SGCZ: variants seen among roughly 807,000 people sequenced by gnomAD.
SGCZ encodes sarcoglycan zeta, also known as zeta-sarcoglycan.
A neutral mutation model predicts 41.3 loss-of-function variants in SGCZ; 40 were observed. That is an observed-to-expected ratio of 0.97 (90% CI 0.75 to 1.26). The LOEUF (loss-of-function observed/expected upper bound fraction) is 1.26, where lower values mean the gene tolerates loss of function less well. SGCZ is among the 50% of genes most tolerant of loss of function. The probability of loss-of-function intolerance (pLI) is 0.00; values close to 1 mark genes in which losing one functional copy is unlikely to be tolerated. For missense variants in SGCZ, 552 were observed against 369.8 expected (o/e 1.49, Z -4.04); for synonymous variants, 206 against 137.5 (o/e 1.50, Z -3.49).
At chr8:14,541,853 G>A (rs756761393) in intron 2 of SGCZ, among the ~76,000 whole-genome samples, 12 of 152,052 alleles carry the variant, frequency 7.9e-5, no homozygotes, top group African/African-American at 4.8e-5. Context: ...ATCTCATTGT[G>A]GTTTTGATTT....
At chr8:14,416,624 T>A (rs995803614) in intron 2 of SGCZ, among the ~76,000 whole-genome samples, 13 of 151,852 alleles carry the variant, frequency 8.6e-5, no homozygotes, top group Non-Finnish European at 1.5e-4. Flanking sequence ...ACTGGTAAAT[T>A]TTAAATGGAT....
intron 2 of SGCZ, among the ~76,000 whole-genome samples, chr8:14,331,579 G>A (rs1802326171): frequency 6.6e-6 from 1 of 151,994 alleles, no homozygotes. Context: ...ACAATTGACA[G>A]ACCTAGGAAT....
rs538804774 is a variant in SGCZ at position 14,368,846 on chromosome 8, C to A, written c.235-44642G>T. 1.1e-4 allele frequency among the ~76,000 whole-genome samples: 17 copies of A among 151,622 alleles called. No homozygotes were observed. In the South Asian group the frequency reaches 3.5e-3, roughly 31 times the overall value. ...ATACAATTGCAGCAAAAAAAAGTTACATATACTTGTTGCAAGAGGGGAAAT... is the reference window on the plus strand; with the variant it reads ...ATACAATTGCAGCAAAAAAAAGTTAAATATACTTGTTGCAAGAGGGGAAAT... On this transcript the variant is annotated intron_variant, in intron 2 of 7. Transcript: ENST00000382080.
intron 1 of SGCZ, among the ~76,000 whole-genome samples, chr8:15,173,137 G>T (rs1008405629): frequency 3.9e-5 from 6 of 152,282 alleles, no homozygotes; most frequent in African/African-American, 1.4e-4. Context: ...GCCCAGGCTT[G>T]CCACTGTAAG....
intron 1 of SGCZ, among the ~76,000 whole-genome samples, chr8:14,754,367 T>C (rs1032470675): frequency 2.0e-5 from 3 of 152,200 alleles, no homozygotes; most frequent in Admixed American, 1.3e-4. Flanking sequence ...TCTGTTTTTC[T>C]TCTTTTCCAT....
chr8:14,481,465 T>TA (rs1393568048), intron 2 of SGCZ, among the ~76,000 whole-genome samples: 1 of 152,192 alleles, frequency 6.6e-6, no homozygotes, highest in Non-Finnish European at 1.5e-5. Flanking sequence ...TTTGTGACAG[T>TA]AATAGTAAAA....
intron 1 of SGCZ, among the ~76,000 whole-genome samples, chr8:14,888,964 A>T (rs1444463977): frequency 6.6e-6 from 1 of 152,142 alleles, no homozygotes; most frequent in African/African-American, 2.4e-5. Context: ...ACTTAATAAG[A>T]TCCAAAATAT....
intron 1 of SGCZ, among the ~76,000 whole-genome samples, chr8:15,137,087 T>C (rs1808136227): frequency 6.6e-6 from 1 of 152,174 alleles, no homozygotes; most frequent in African/African-American, 2.4e-5. Context: ...GATAATGATA[T>C]GTACAATAAA....
chr8:14,173,748 A>T (rs1804459795), intron 4 of SGCZ, among the ~76,000 whole-genome samples: 1 of 133,408 alleles, frequency 7.5e-6, no homozygotes. Flanking sequence ...GATAGAGGAG[A>T]TGTACAGGAA....
intron 1 of SGCZ, among the ~76,000 whole-genome samples, chr8:14,569,431 C>T (rs1252822206): frequency 6.6e-6 from 1 of 152,088 alleles, no homozygotes; most frequent in Non-Finnish European, 1.5e-5. Context: ...TTTCTTGTTT[C>T]TTTCCTTAGC....
At chr8:14,274,627 G>T (rs188378200) in intron 3 of SGCZ, among the ~76,000 whole-genome samples, 12 of 152,176 alleles carry the variant, frequency 7.9e-5, no homozygotes, top group Admixed American at 6.5e-4. Flanking sequence ...CCAGATACGA[G>T]CTTATGGTAA....
At chr8:14,894,269 AG>A (rs1343468095) in intron 1 of SGCZ, among the ~76,000 whole-genome samples, 1 of 152,180 alleles carries the variant, frequency 6.6e-6, no homozygotes, top group African/African-American at 2.4e-5. Context: ...AAGCAACTAT[AG>A]TTAATGAATG....
At chr8:14,784,913 A>AAAAAAAAAAAATAT (rs1408574493) in intron 1 of SGCZ, among the ~76,000 whole-genome samples, 4 of 88,036 alleles carry the variant, frequency 4.5e-5, no homozygotes, top group African/African-American at 9.4e-5. Flanking sequence ...AAAAAAAAAA[A>AAAAAAAAAAAATAT]ATATATATAT....
intron 1 of SGCZ, among the ~76,000 whole-genome samples, chr8:14,996,475 T>G (rs533813272): frequency 6.6e-6 from 1 of 152,076 alleles, no homozygotes; most frequent in Admixed American, 6.5e-5. Context: ...AATCACAGCT[T>G]ACCGCAGCCT....
chr8:14,583,564 A>G (rs1042310724), intron 1 of SGCZ, among the ~76,000 whole-genome samples: 1 of 152,038 alleles, frequency 6.6e-6, no homozygotes, highest in African/African-American at 2.4e-5. Context: ...GATGTTTTAG[A>G]CATGAAGTCC....
At chr8:14,592,847 C>G (rs1221638092) in intron 1 of SGCZ, among the ~76,000 whole-genome samples, 1 of 152,120 alleles carries the variant, frequency 6.6e-6, no homozygotes, top group Non-Finnish European at 1.5e-5. Context: ...ATCAGACAGA[C>G]TAGAAGACAA....
chr8:14,330,441 T>G (rs917911581), intron 2 of SGCZ, among the ~76,000 whole-genome samples: 13 of 152,096 alleles, frequency 8.5e-5, no homozygotes, highest in Non-Finnish European at 1.8e-4. Context: ...AATTTTCTTT[T>G]TTTTGACAAA....
intron 4 of SGCZ, among the ~76,000 whole-genome samples, chr8:14,203,233 C>G (rs1805513824): frequency 6.6e-6 from 1 of 152,122 alleles, no homozygotes; most frequent in African/African-American, 2.4e-5. Flanking sequence ...TGAATTTTAA[C>G]TTTCAATCTA....
At chr8:15,136,324 A>G (rs1355204607) in intron 1 of SGCZ, among the ~76,000 whole-genome samples, 1 of 152,072 alleles carries the variant, frequency 6.6e-6, no homozygotes, top group East Asian at 1.9e-4. Flanking sequence ...AAGCCATGAG[A>G]TGGCATTCTA....
Sources: gnomAD v4.1 joint callset for allele counts (sites outside exome capture counted in the v4.1 genomes callset) on GRCh38, gnomAD v4.1.1 for gene constraint, MANE v1.5 for transcripts, NCBI Gene and HGNC (gene_info 2026-07-23, HGNC 2026-07-21) for gene names.